Variants in ERC2 observed in about 807,000 individuals in gnomAD.
The protein encoded by ERC2 is ERC protein 2.
A neutral mutation model predicts 114.8 loss-of-function variants in ERC2; 42 were observed. That is an observed-to-expected ratio of 0.37 (90% confidence interval 0.29 to 0.47). The LOEUF (loss-of-function observed/expected upper bound fraction) is 0.47. Ranked by LOEUF, ERC2 falls within the 20% of genes least tolerant of loss-of-function variation. The probability of loss-of-function intolerance (pLI) is 0.99; values close to 1 mark genes in which losing one functional copy is unlikely to be tolerated. For synonymous variants in ERC2, 454 were observed against 425.5 expected (o/e 1.07, Z -0.82); for missense variants, 939 against 1,150.7 (o/e 0.82, Z 2.66).
intron 12 of ERC2, among the ~76,000 whole-genome samples, chr3:55,983,026 C>T (rs1045698685): frequency 6.6e-6 from 1 of 152,220 alleles, no homozygotes; most frequent in Non-Finnish European, 1.5e-5. Context: ...GCACGCGGTC[C>T]ATCACCAACA....
At position 56,303,532 on chromosome 3, in the gene ERC2, A is replaced by G. The variant is rs1208681726; in HGVS notation, c.658-7097T>C. On this transcript the variant is annotated intron_variant, in intron 2 of 17. Transcript: ENST00000288221. ...CTTCCGGGAGACTGCATTTTCTGAT[A>G]GGCCCTCCTCTACACTACAGCTAGA... 2.0e-5 allele frequency among the ~76,000 whole-genome samples: 3 copies of G among 152,072 alleles called. No homozygotes were observed. The East Asian group carries it at 5.8e-4, about 29-fold the overall frequency.
At chr3:55,845,757 C>T (rs1559753386) in intron 14 of ERC2, among the ~76,000 whole-genome samples, 1 of 152,238 alleles carries the variant, frequency 6.6e-6, no homozygotes, top group Non-Finnish European at 1.5e-5. Flanking sequence ...ATTCAAGAAG[C>T]TACTTGCCTG....
At chr3:55,579,793 A>C (rs1375727598) in intron 17 of ERC2, among the ~76,000 whole-genome samples, 1 of 152,220 alleles carries the variant, frequency 6.6e-6, no homozygotes, top group Non-Finnish European at 1.5e-5. Context: ...CACTCGGCTC[A>C]TGATTTAACC....
intron 14 of ERC2, among the ~76,000 whole-genome samples, chr3:55,780,169 G>C (rs1204369255): frequency 6.6e-6 from 1 of 152,142 alleles, no homozygotes; most frequent in Non-Finnish European, 1.5e-5. Context: ...TATTGTTTTA[G>C]ATATTCCACC....
Position 55,950,315 on chromosome 3 carries a change from C to A in ERC2, c.2403+110G>T, listed in dbSNP as rs79996281. 2,263 of 1,393,102 alleles carry A rather than the reference C, an allele frequency of 1.6e-3. 34 individuals carry two copies. The African/African-American group carries it at 0.03, about 18-fold the overall frequency. The allele number at this position is 1,393,102 out of a possible 1,614,324, so 86.3% of individuals were successfully genotyped here. ...TTCCCTGTTAGTGCTAGACTCAGGG[C>A]AAAGGCAAAGTCCACCATTTCTGTG... On this transcript the variant is annotated intron_variant, in intron 13 of 17. Transcript: ENST00000288221.
intron 2 of ERC2, among the ~76,000 whole-genome samples, chr3:56,375,948 C>T (rs995805436): frequency 1.3e-5 from 2 of 152,176 alleles, no homozygotes; most frequent in African/African-American, 4.8e-5. Context: ...GGAAGACCTC[C>T]AGGTAACAGC....
chr3:55,979,316 T>C (rs1034912142), intron 12 of ERC2, among the ~76,000 whole-genome samples: 4 of 152,214 alleles, frequency 2.6e-5, no homozygotes, highest in African/African-American at 9.7e-5. Context: ...CATGCTCCCA[T>C]GTGAGACGGG....
At chr3:55,999,147 G>A (rs571693393) in intron 10 of ERC2, among the ~76,000 whole-genome samples, 5 of 152,098 alleles carry the variant, frequency 3.3e-5, no homozygotes, top group South Asian at 2.1e-4. Context: ...GATGAAACAC[G>A]CATATTATTT....
chr3:56,198,160 G>A (rs754681774), intron 3 of ERC2, among the ~76,000 whole-genome samples: 1 of 152,192 alleles, frequency 6.6e-6, no homozygotes, highest in Non-Finnish European at 1.5e-5. Context: ...CACTGGCACA[G>A]AGCCCAGAAC....
chr3:55,979,653 T>C (rs1162577145), intron 12 of ERC2, among the ~76,000 whole-genome samples: 1 of 152,088 alleles, frequency 6.6e-6, no homozygotes, highest in Non-Finnish European at 1.5e-5. Flanking sequence ...ACAAAAATGC[T>C]GGATGAGAAC....
chr3:56,073,042 A>T (rs968731858), intron 7 of ERC2, among the ~76,000 whole-genome samples: 16 of 152,210 alleles, frequency 1.1e-4, no homozygotes, highest in African/African-American at 3.9e-4. Context: ...AAAGAGTAAC[A>T]GTCCAAACAC....
chr3:55,913,430 G>T (rs1427495470), intron 13 of ERC2, among the ~76,000 whole-genome samples: 1 of 152,034 alleles, frequency 6.6e-6, no homozygotes, highest in Admixed American at 6.6e-5. Flanking sequence ...CTACTTGCTG[G>T]TTCGAAGGAC....
intron 14 of ERC2, among the ~76,000 whole-genome samples, chr3:55,822,710 C>T (rs1439600801): frequency 6.7e-6 from 1 of 150,104 alleles, no homozygotes; most frequent in Non-Finnish European, 1.5e-5. Flanking sequence ...GGACTACAGG[C>T]ACCCGCCACT....
chr3:56,053,730 ATG>A (rs1427016439), intron 7 of ERC2, among the ~76,000 whole-genome samples: 4 of 59,884 alleles, frequency 6.7e-5, no homozygotes, highest in Non-Finnish European at 7.9e-5. Flanking sequence ...ATGGAAAAAC[ATG>A]TGTACTATGA....
intron 14 of ERC2, among the ~76,000 whole-genome samples, chr3:55,754,868 A>G (rs912359239): frequency 6.6e-5 from 10 of 152,086 alleles, no homozygotes; most frequent in Non-Finnish European, 1.5e-4. Context: ...AGTATCTATA[A>G]CCCATAAGCT....
At chr3:55,600,904 C>T (rs2058371021) in intron 17 of ERC2, among the ~76,000 whole-genome samples, 1 of 152,270 alleles carries the variant, frequency 6.6e-6, no homozygotes. Flanking sequence ...GTCGCTCCTA[C>T]TGGCCCTGCC....
intron 17 of ERC2, among the ~76,000 whole-genome samples, chr3:55,570,344 A>G (rs183833535): frequency 9.2e-5 from 14 of 152,270 alleles, no homozygotes; most frequent in Admixed American, 5.9e-4. Context: ...AAGGCCCCCA[A>G]TCACAGCATG....
chr3:55,883,394 G>A (rs2063201156), intron 14 of ERC2, among the ~76,000 whole-genome samples: 1 of 152,070 alleles, frequency 6.6e-6, no homozygotes, highest in Admixed American at 6.6e-5. Flanking sequence ...CAGAACTTTG[G>A]GTAAAAATTA....
intron 13 of ERC2, among the ~76,000 whole-genome samples, chr3:55,932,448 A>C (rs1026983323): frequency 3.3e-5 from 5 of 152,134 alleles, no homozygotes; most frequent in Non-Finnish European, 5.9e-5. Flanking sequence ...TTTCTTAGTA[A>C]TTCTGCCTGG....
Sources: allele counts gnomAD v4.1 joint callset (sites outside exome capture counted in the v4.1 genomes callset), GRCh38; gene constraint gnomAD v4.1.1; transcripts MANE v1.5; gene names NCBI Gene and HGNC (gene_info 2026-07-23, HGNC 2026-07-21).